ITPK1: variants seen among roughly 807,000 people sequenced by gnomAD.
ITPK1 encodes inositol 1,3,4-trisphosphate 5/6-kinase.
Under a neutral mutation model 45.3 loss-of-function variants are expected in ITPK1, and 21 were observed. That is an observed-to-expected ratio of 0.46 (90% confidence interval 0.33 to 0.67). The LOEUF (loss-of-function observed/expected upper bound fraction) is 0.67, where lower values mean the gene tolerates loss of function less well. Ranked by LOEUF, ITPK1 falls within the 30% of genes least tolerant of loss-of-function variation. The probability of loss-of-function intolerance (pLI) is 0.02; values close to 1 mark genes in which losing one functional copy is unlikely to be tolerated. For missense variants in ITPK1, 474 were observed against 573.5 expected (o/e 0.83, Z 1.77); for synonymous variants, 258 against 253.6 (o/e 1.02, Z -0.16).
At chr14:93,069,418 C>G (rs1890895108) in intron 3 of ITPK1, 1 of 154,614 alleles carries the variant, frequency 6.5e-6, no homozygotes, top group African/African-American at 2.4e-5. Flanking sequence ...AAAGGACCCC[C>G]TTCCCCAGCT....
intron 3 of ITPK1, among the ~76,000 whole-genome samples, chr14:93,020,064 G>A (rs564382116): frequency 7.2e-5 from 11 of 152,296 alleles, no homozygotes; most frequent in South Asian, 4.2e-4. Context: ...ATGCCATCTC[G>A]CAGGGCCCAT....
chr14:93,059,877 CA>C (rs1406009952), intron 3 of ITPK1, among the ~76,000 whole-genome samples: 1 of 58,542 alleles, frequency 1.7e-5, no homozygotes, highest in Non-Finnish European at 3.4e-5. Context: ...AGTCACGAGG[CA>C]GGGGTGGAGG....
At position 92,939,593 on chromosome 14, in the gene ITPK1, GC is replaced by G; in HGVS notation, c.*1967del. The G allele has an allele frequency of 2.9e-6, 2 of 694,856 alleles. No individual in the cohort carries two copies. The highest frequency in any genetic ancestry group is 3.5e-6 in the Non-Finnish European group (2 of 569,046). 43.0% of individuals were successfully genotyped at this position (694,856 alleles called of 1,614,324 possible). On this transcript the variant is annotated 3_prime_UTR_variant, in exon 11 of 11. Coordinates refer to ENST00000267615, the MANE Select transcript of ITPK1 (RefSeq NM_014216.6). ...AGCTGCCCTGCACACCCACAGCCCC[GC>G]CCCCGCCCCACCACGGAGGCCTATG...
intron 2 of ITPK1, among the ~76,000 whole-genome samples, chr14:93,092,338 G>A (rs1316937258): frequency 6.6e-6 from 1 of 152,176 alleles, no homozygotes; most frequent in Non-Finnish European, 1.5e-5. Context: ...CCCCAGACCT[G>A]AGGTCCTTAC....
At chr14:93,021,506 T>C (rs376294490) in intron 3 of ITPK1, among the ~76,000 whole-genome samples, 13 of 151,900 alleles carry the variant, frequency 8.6e-5, no homozygotes, top group African/African-American at 2.9e-4. Flanking sequence ...GGTGGGAGAA[T>C]TGCTTGAACC....
chr14:93,115,719 C>A (rs1892923788), intron 1 of ITPK1, 53 bp downstream of exon 1: 1 of 150,336 alleles, frequency 6.7e-6, no homozygotes. Context: ...CCTGGGCGCG[C>A]TTGGACCCCG....
chr14:92,957,603 C>A lies in ITPK1; in HGVS notation c.670+598G>T, dbSNP rs114480001. 9.0e-3 allele frequency among the ~76,000 whole-genome samples: 1,363 copies of A among 152,254 alleles called. 15 individuals are homozygous for A. Among genetic ancestry groups the A allele is most frequent in the African/African-American group, 0.031 (1,280 of 41,528 alleles). ...CATGCAGAGAACGCCCTATGTGACA[C>A]CCACGGGACTCCTAGACCACCGTCC... On this transcript the variant is annotated intron_variant, in intron 8 of 10. Coordinates refer to ENST00000267615, the MANE Select transcript of ITPK1 (RefSeq NM_014216.6).
chr14:92,979,615 C>T (rs1886114351), intron 5 of ITPK1, among the ~76,000 whole-genome samples: 1 of 152,088 alleles, frequency 6.6e-6, no homozygotes, highest in Non-Finnish European at 1.5e-5. Context: ...TCTAGCATGT[C>T]GCACTTCCCC....
intron 3 of ITPK1, among the ~76,000 whole-genome samples, chr14:93,031,331 T>C (rs975926516): frequency 2.6e-5 from 4 of 152,096 alleles, no homozygotes; most frequent in Non-Finnish European, 5.9e-5. Flanking sequence ...TGGGGGAAGC[T>C]GGCAAAAGGC....
At chr14:93,090,672 G>A (rs1891833162) in intron 2 of ITPK1, among the ~76,000 whole-genome samples, 1 of 152,172 alleles carries the variant, frequency 6.6e-6, no homozygotes, top group Non-Finnish European at 1.5e-5. Flanking sequence ...TCCTCCTGAT[G>A]AGGAATAAAA....
intron 2 of ITPK1, among the ~76,000 whole-genome samples, chr14:93,098,816 G>C (rs1283953264): frequency 6.6e-6 from 1 of 152,170 alleles, no homozygotes; most frequent in African/African-American, 2.4e-5. Context: ...CTTCCCTCCA[G>C]CACTCCCATG....
intron 4 of ITPK1, among the ~76,000 whole-genome samples, chr14:93,005,430 T>G (rs1423818137): frequency 6.6e-6 from 1 of 152,108 alleles, no homozygotes; most frequent in Non-Finnish European, 1.5e-5. Context: ...AGGGGCAAGA[T>G]GGCCCAGATT....
chr14:93,075,156 A>G (rs912536845), intron 3 of ITPK1, among the ~76,000 whole-genome samples: 8 of 151,706 alleles, frequency 5.3e-5, no homozygotes, highest in Non-Finnish European at 1.0e-4. Flanking sequence ...GTGAAACCCC[A>G]TCTCTACTAA....
rs764902793 is a variant in ITPK1, at chr14:93,088,336, G to GTTTT, written c.96-11721_96-11718dup. Reference sequence around the variant, plus strand: ...GTTGCATCTTTTCTTTTTTGGTTTTGTTTTGTTTTTTTTTTTTTTTTGAGA... The same window carrying GTTTT: ...GTTGCATCTTTTCTTTTTTGGTTTTGTTTTTTTTGTTTTTTTTTTTTTTTTGAGA... On this transcript the variant is annotated intron_variant, in intron 2 of 10. Coordinates refer to ENST00000267615, the MANE Select transcript of ITPK1 (RefSeq NM_014216.6). Among the ~76,000 whole-genome samples the GTTTT allele has an allele frequency of 3.5e-3, 440 of 126,544 alleles. 9 individuals carry two copies. The highest frequency in any genetic ancestry group is 4.9e-3 in the Admixed American group (65 of 13,276). The allele number at this position is 126,544 out of a possible 152,430, so 83.0% of individuals were successfully genotyped here.
chr14:93,107,751 C>T (rs1003953049), intron 2 of ITPK1, among the ~76,000 whole-genome samples: 2 of 152,168 alleles, frequency 1.3e-5, no homozygotes, highest in African/African-American at 4.8e-5. Flanking sequence ...TCCACCCCAC[C>T]GAACCCTAAA....
At chr14:93,112,050 C>T (rs1333195080) in intron 2 of ITPK1, among the ~76,000 whole-genome samples, 1 of 151,928 alleles carries the variant, frequency 6.6e-6, no homozygotes, top group East Asian at 1.9e-4. Context: ...ACCCCCCAAA[C>T]CCTCCCCCCA....
chr14:92,985,744 A>G (rs1011575851), intron 5 of ITPK1, among the ~76,000 whole-genome samples: 16 of 152,022 alleles, frequency 1.1e-4, no homozygotes, highest in Admixed American at 3.9e-4. Flanking sequence ...TGCCTTTAGC[A>G]CTAAATGCAA....
chr14:93,068,828 C>G (rs1463972536), intron 3 of ITPK1: 2 of 152,180 alleles, frequency 1.3e-5, no homozygotes, highest in African/African-American at 4.8e-5. Flanking sequence ...ATAATCCTTC[C>G]AGAGATGCAC....
At chr14:93,051,726 C>T (rs750665425) in intron 3 of ITPK1, among the ~76,000 whole-genome samples, 1 of 152,196 alleles carries the variant, frequency 6.6e-6, no homozygotes, top group African/African-American at 2.4e-5. Flanking sequence ...TGCCTCATAG[C>T]CAAGCGTGAA....
Sources: allele counts gnomAD v4.1 joint callset (sites outside exome capture counted in the v4.1 genomes callset), GRCh38; gene constraint gnomAD v4.1.1; transcripts MANE v1.5; gene names NCBI Gene and HGNC (gene_info 2026-07-23, HGNC 2026-07-21).